HFM1: variants seen among roughly 807,000 people sequenced by gnomAD.
The protein encoded by HFM1 is probable ATP-dependent DNA helicase HFM1.
In HFM1, 169 loss-of-function variants were observed where a neutral mutation model predicts 192.1. The ratio of observed to expected loss-of-function variants is 0.88; its 90% CI spans 0.78 to 1.00. HFM1 has a LOEUF of 1.00. Among genes scored for constraint, HFM1 ranks in the 50% least tolerant of loss-of-function variants. HFM1 has a pLI of 0.00. For synonymous variants in HFM1, 525 were observed against 537.8 expected (o/e 0.98, Z 0.33); for missense variants, 1,661 against 1,668.0 (o/e 1.00, Z 0.07).
At chr1:91,295,681 GCACCCTT>G (rs1647436778) in intron 30 of HFM1, among the ~76,000 whole-genome samples, 1 of 152,048 alleles carries the variant, frequency 6.6e-6, no homozygotes, top group African/African-American at 2.4e-5. Context: ...TCTGTGAGTT[GCACCCTT>G]CACTCTTAAT....
At chr1:91,336,124 G>A (rs1654537475) in intron 20 of HFM1, among the ~76,000 whole-genome samples, 1 of 139,244 alleles carries the variant, frequency 7.2e-6, no homozygotes, top group Non-Finnish European at 1.5e-5. Context: ...CATCCTCCTT[G>A]GAGGCTAAAA....
chr1:91,334,764 AC>A (rs1654333766), intron 20 of HFM1, among the ~76,000 whole-genome samples: 1 of 151,992 alleles, frequency 6.6e-6, no homozygotes, highest in Non-Finnish European at 1.5e-5. Flanking sequence ...CCCTGTCTCT[AC>A]TAAAAATACA....
At chr1:91,290,083 C>G (rs531757879) in intron 30 of HFM1, among the ~76,000 whole-genome samples, 1 of 151,992 alleles carries the variant, frequency 6.6e-6, no homozygotes, top group Non-Finnish European at 1.5e-5. Flanking sequence ...CGGTACCAGC[C>G]GCTGCAAAAT....
At chr1:91,369,024 G>A (rs965606419) in intron 13 of HFM1, among the ~76,000 whole-genome samples, 5 of 152,106 alleles carry the variant, frequency 3.3e-5, no homozygotes, top group African/African-American at 7.2e-5. Flanking sequence ...AATGGTAAAC[G>A]GATCAATTCA....
intron 13 of HFM1, among the ~76,000 whole-genome samples, chr1:91,371,808 G>C (rs920900122): frequency 2.6e-5 from 4 of 151,994 alleles, no homozygotes; most frequent in African/African-American, 9.7e-5. Context: ...GCAGCCTACA[G>C]AATGGGAGAA....
chr1:91,276,723 T>C lies in HFM1; in HGVS notation c.3493A>G (p.Lys1165Glu), dbSNP rs1205009090. The change falls in exon 32 of 39, where the codon AAG becomes GAG. Residue 1165 changes from lysine (K) to glutamate (E), a missense_variant. By Grantham distance (56) the Lys-to-Glu change is moderately conservative (BLOSUM62 1). Coordinates refer to ENST00000370425, the MANE Select transcript of HFM1 (RefSeq NM_001017975.6). ...HDCCKIGVAQ[K>E]SEIKESTISS... ...ATTGTTGACTCTTTAATTTCTGACTTCTGTGCAACTCCAATTTTACCTATG... is the reference window on the plus strand; with the variant it reads ...ATTGTTGACTCTTTAATTTCTGACTCCTGTGCAACTCCAATTTTACCTATG... 7 of 1,504,702 alleles carry C rather than the reference T, an allele frequency of 4.7e-6. No individual in the cohort carries two copies. The highest frequency in any genetic ancestry group is 6.3e-6 in the Non-Finnish European group (7 of 1,116,876). 93.2% of individuals were successfully genotyped at this position (1,504,702 alleles called of 1,614,324 possible).
At chr1:91,344,753 G>GTTTT (rs10678480) in intron 19 of HFM1, among the ~76,000 whole-genome samples, 3 of 141,724 alleles carry the variant, frequency 2.1e-5, no homozygotes, top group Admixed American at 1.4e-4. Flanking sequence ...TTCTTTTCTT[G>GTTTT]TTTTTTTTTT....
At chr1:91,388,614 C>T (rs1662537022) in intron 4 of HFM1, among the ~76,000 whole-genome samples, 1 of 152,130 alleles carries the variant, frequency 6.6e-6, no homozygotes, top group South Asian at 2.1e-4. Flanking sequence ...TAATAGATCA[C>T]AAATGTAAAC....
At chr1:91,273,061 C>A (rs1278873246) in intron 34 of HFM1, among the ~76,000 whole-genome samples, 1 of 151,960 alleles carries the variant, frequency 6.6e-6, no homozygotes, top group Non-Finnish European at 1.5e-5. Context: ...CTATTAATTG[C>A]AGGAACCAGA....
chr1:91,289,048 GC>G (rs1257422783), intron 30 of HFM1, among the ~76,000 whole-genome samples: 2 of 150,658 alleles, frequency 1.3e-5, no homozygotes, highest in Middle Eastern at 3.4e-3. Flanking sequence ...GGCGGGGGCT[GC>G]CCCCCACCTC....
At chr1:91,329,633 T>C (rs778900698) in intron 20 of HFM1, 1 of 725,746 alleles carries the variant, frequency 1.4e-6, no homozygotes, top group Non-Finnish European at 2.2e-6. Context: ...AAGGTTTTTC[T>C]AGCGTGACCC....
chr1:91,302,233 A>T (rs1648898639), intron 30 of HFM1, among the ~76,000 whole-genome samples: 1 of 151,722 alleles, frequency 6.6e-6, no homozygotes, highest in Non-Finnish European at 1.5e-5. Flanking sequence ...CCACAATGAG[A>T]TACCATCTCA....
intron 20 of HFM1, among the ~76,000 whole-genome samples, chr1:91,343,104 G>A (rs577735606): frequency 4.6e-5 from 7 of 151,786 alleles, no homozygotes; most frequent in East Asian, 1.9e-4. Flanking sequence ...GGTGGCAGGC[G>A]CCTGTAGTCC....
chr1:91,282,875 C>T (rs767540596), intron 30 of HFM1, among the ~76,000 whole-genome samples: 5 of 152,146 alleles, frequency 3.3e-5, no homozygotes, highest in Admixed American at 6.5e-5. Context: ...CATGTCTAAA[C>T]GCTGCCACAA....
At chr1:91,286,737 A>T (rs1668014079) in intron 30 of HFM1, among the ~76,000 whole-genome samples, 1 of 152,172 alleles carries the variant, frequency 6.6e-6, no homozygotes, top group African/African-American at 2.4e-5. Flanking sequence ...CTGCATTTCC[A>T]TCTGAGGTAC....
At chr1:91,344,176 G>C (rs976138280) in intron 19 of HFM1, among the ~76,000 whole-genome samples, 3 of 152,152 alleles carry the variant, frequency 2.0e-5, no homozygotes, top group South Asian at 2.1e-4. Flanking sequence ...ATGGGGATCA[G>C]AGCAATTGTA....
At chr1:91,297,954 G>T (rs1195594055) in intron 30 of HFM1, among the ~76,000 whole-genome samples, 1 of 152,188 alleles carries the variant, frequency 6.6e-6, no homozygotes, top group African/African-American at 2.4e-5. Flanking sequence ...TGACTTTGAT[G>T]AGTTGAGAGA....
intron 30 of HFM1, among the ~76,000 whole-genome samples, chr1:91,288,285 G>A (rs1668258621): frequency 4.0e-5 from 6 of 151,852 alleles, no homozygotes; most frequent in Admixed American, 3.9e-4. Context: ...TACCCTCAAA[G>A]GGAAGCCCAT....
chr1:91,264,359 G>GGATT (rs1665471680), intron 36 of HFM1, among the ~76,000 whole-genome samples: 1 of 54,042 alleles, frequency 1.9e-5, no homozygotes, highest in Non-Finnish European at 3.5e-5. Context: ...CACAAATTTA[G>GGATT]TATTTTTTTT....
Sources: gnomAD v4.1 joint callset for allele counts (sites outside exome capture counted in the v4.1 genomes callset) on GRCh38, gnomAD v4.1.1 for gene constraint, MANE v1.5 for transcripts, NCBI Gene and HGNC (gene_info 2026-07-23, HGNC 2026-07-21) for gene names.